Variants in PCDHA4 observed in about 807,000 individuals in gnomAD.
PCDHA4 encodes protocadherin alpha-4.
A neutral mutation model predicts 61.4 loss-of-function variants in PCDHA4; 49 were observed. The observed-to-expected ratio is 0.80, with a 90% CI of 0.63 to 1.01. The LOEUF is 1.01. Among genes scored for constraint, PCDHA4 ranks in the 50% least tolerant of loss-of-function variants. The probability of loss-of-function intolerance (pLI) is 0.00; values close to 1 mark genes in which losing one functional copy is unlikely to be tolerated. For missense variants in PCDHA4, 1,254 were observed against 1,235.8 expected (o/e 1.01, Z -0.22); for synonymous variants, 590 against 550.3 (o/e 1.07, Z -1.01).
chr5:140,862,863 G>A (rs782640328), intron 1 of PCDHA4: 1 of 507,610 alleles, frequency 2.0e-6, no homozygotes, highest in South Asian at 1.4e-5. Flanking sequence ...GCAATGTGAC[G>A]CTGCCAGGTA....
At chr5:140,927,072 C>A in intron 1 of PCDHA4, 2 of 1,610,790 alleles carry the variant, frequency 1.2e-6, no homozygotes, top group Non-Finnish European at 1.7e-6. Flanking sequence ...TCCTTTCCAG[C>A]CACCGCGAGC....
intron 3 of PCDHA4, among the ~76,000 whole-genome samples, chr5:140,985,216 C>G (rs1009954667): frequency 1.3e-5 from 2 of 152,186 alleles, no homozygotes; most frequent in Non-Finnish European, 2.9e-5. Flanking sequence ...GGATTACAGG[C>G]GTGAGCCACC....
At chr5:140,842,432 C>T (rs2150336082) in intron 1 of PCDHA4, 2 of 1,613,656 alleles carry the variant, frequency 1.2e-6, no homozygotes, top group Non-Finnish European at 1.7e-6. Context: ...TGTCATCGCC[C>T]TAATTAGCGT....
At chr5:140,870,715 G>T (rs1554164627) in intron 1 of PCDHA4, 2 of 1,613,126 alleles carry the variant, frequency 1.2e-6, no homozygotes, top group East Asian at 2.2e-5. Flanking sequence ...GAGCGCGCGC[G>T]ATGCGGGCGT....
chr5:140,871,060 C>T (rs782751973), intron 1 of PCDHA4: 4 of 1,613,210 alleles, frequency 2.5e-6, no homozygotes, highest in Non-Finnish European at 3.4e-6. Context: ...GGTGAAGGAT[C>T]ACGGTGAGCC....
chr5:140,840,750 A>G (rs1261574631), intron 1 of PCDHA4, among the ~76,000 whole-genome samples: 1 of 152,112 alleles, frequency 6.6e-6, no homozygotes, highest in Non-Finnish European at 1.5e-5. Flanking sequence ...CAATAAGAAC[A>G]CAAGAAGATA....
At chr5:140,866,149 T>A (rs1554160036) in intron 1 of PCDHA4, 2 of 152,248 alleles carry the variant, frequency 1.3e-5, no homozygotes, top group Non-Finnish European at 2.9e-5. Context: ...GGAAGTGATA[T>A]AAGTAAGAAT....
At chr5:140,928,809 G>A (rs1563109634) in intron 1 of PCDHA4, 2 of 1,614,078 alleles carry the variant, frequency 1.2e-6, no homozygotes, top group African/African-American at 2.7e-5. Flanking sequence ...TAGTGGTTCG[G>A]GACCATGGAG....
At chr5:140,967,758 A>G (rs781815948) in intron 1 of PCDHA4, 8 of 1,614,162 alleles carry the variant, frequency 5.0e-6, no homozygotes, top group Non-Finnish European at 5.9e-6. Context: ...GCCTCCTCCT[A>G]CCAGATCTAT....
At chr5:140,850,482 G>A (rs2150486061) in intron 1 of PCDHA4, 3 of 1,598,110 alleles carry the variant, frequency 1.9e-6, no homozygotes, top group Non-Finnish European at 2.6e-6. Context: ...GACGGCCACG[G>A]CCACTGTGCT....
chr5:140,869,191 C>CA (rs1554162609), intron 1 of PCDHA4: 1 of 1,613,878 alleles, frequency 6.2e-7, no homozygotes, highest in East Asian at 2.2e-5. Flanking sequence ...GGGGAGCGGC[C>CA]AGCTCCACTA....
rs2150332789 is a variant in PCDHA4, at chr5:140,842,251, T to C, written c.2385+32679T>C. 6 of 1,611,822 alleles carry C rather than the reference T, an allele frequency of 3.7e-6. 1 individual carries two copies. The highest frequency in any genetic ancestry group is 5.1e-6 in the Non-Finnish European group (6 of 1,178,190). Reference sequence around the variant, plus strand: ...TAGTGATTCGGGGTAATTTGGATTTTGAACAAGAAAACTTATACAAAATCC... The same window carrying C: ...TAGTGATTCGGGGTAATTTGGATTTCGAACAAGAAAACTTATACAAAATCC... On this transcript the variant is annotated intron_variant, in intron 1 of 3. Coordinates refer to ENST00000530339, the MANE Select transcript of PCDHA4 (RefSeq NM_018907.4).
In PCDHA4 at chr5:140,808,268, G is replaced by C; in HGVS notation, c.1081G>C (p.Glu361Gln). 6.2e-7 allele frequency: 1 copy of C among 1,614,250 alleles called. No homozygotes were observed. Among genetic ancestry groups the C allele is most frequent in the Non-Finnish European group, 8.5e-7 (1 of 1,180,050 alleles). ...CAAGTCTTTATCACTTCCAATTAGAGAGGACGCTCCACTGGGTACAGTCAT... is the reference window on the plus strand; with the variant it reads ...CAAGTCTTTATCACTTCCAATTAGACAGGACGCTCCACTGGGTACAGTCAT... Reference protein sequence around the residue: ...EFKSLSLPIREDAPLGTVIAL... With the variant: ...EFKSLSLPIRQDAPLGTVIAL... Residue 361 changes from glutamate to glutamine, a missense_variant, in exon 1 of 4, where the codon GAG becomes CAG. Transcript: ENST00000530339.
chr5:140,835,773 G>A (rs1554135255), intron 1 of PCDHA4: 5 of 1,613,392 alleles, frequency 3.1e-6, no homozygotes, highest in Admixed American at 3.3e-5. Flanking sequence ...TACGGTGTTC[G>A]TGAAGGAGAA....
intron 1 of PCDHA4, chr5:140,876,621 A>G: frequency 6.2e-7 from 1 of 1,614,120 alleles, no homozygotes; most frequent in Non-Finnish European, 8.5e-7. Context: ...GAGCCAATGG[A>G]CAGGTCATCT....
intron 1 of PCDHA4, chr5:140,871,329 C>A (rs1164407502): frequency 6.2e-7 from 1 of 1,613,942 alleles, no homozygotes; most frequent in African/African-American, 1.3e-5. Flanking sequence ...TGTGCTCCCG[C>A]GCGGTGGGGA....
At position 140,884,506 on chromosome 5, in the gene PCDHA4, G is replaced by C. The variant is rs10076265; in HGVS notation, c.2385+74934G>C. 4,595 of 1,614,168 alleles carry C rather than the reference G, an allele frequency of 2.8e-3. 101 individuals are homozygous for C. In the African/African-American group the frequency reaches 0.053, roughly 19 times the overall value. On this transcript the variant is annotated intron_variant, in intron 1 of 3. Coordinates refer to ENST00000530339, the MANE Select transcript of PCDHA4 (RefSeq NM_018907.4). Reference sequence around the variant, plus strand: ...CTCTAGTGTGCTCCAGCGCGGCAGGGAGTTGGTCGTACTCGCAGCAGAGGC... The same window carrying C: ...CTCTAGTGTGCTCCAGCGCGGCAGGCAGTTGGTCGTACTCGCAGCAGAGGC...
rs1554166675 is a variant in PCDHA4 at position 140,873,309 on chromosome 5, T to C, written c.2385+63737T>C. ...TGAAACTTTATAAATATAATAAAGG[T>C]GAATATTAGATAGGGCATACATTAC... On this transcript the variant is annotated intron_variant, in intron 1 of 3. Transcript: ENST00000530339. Among the ~76,000 whole-genome samples, 4 of 152,264 alleles carry C rather than the reference T, an allele frequency of 2.6e-5. No individual in the cohort carries two copies. The East Asian group carries it at 5.8e-4, about 22-fold the overall frequency.
chr5:140,968,025 C>T lies in PCDHA4; in HGVS notation c.2386-10924C>T, dbSNP rs782679458. ...CTGAATGGCTTTGGAAACTCCTATA[C>T]ACTGGTGGTGAGCGGCCCACTGGAC... On this transcript the variant is annotated intron_variant, in intron 1 of 3. Coordinates refer to ENST00000530339, the MANE Select transcript of PCDHA4 (RefSeq NM_018907.4). 4.3e-6 allele frequency: 7 copies of T among 1,614,200 alleles called. No individual in the cohort carries two copies. In the South Asian group the frequency reaches 6.6e-5, roughly 15 times the overall value.
Sources: allele counts gnomAD v4.1 joint callset (sites outside exome capture counted in the v4.1 genomes callset), GRCh38; gene constraint gnomAD v4.1.1; transcripts MANE v1.5; gene names NCBI Gene and HGNC (gene_info 2026-07-23, HGNC 2026-07-21).